Variants in ENOX1 observed in about 807,000 individuals in gnomAD.
The protein encoded by ENOX1 is ecto-NOX disulfide-thiol exchanger 1.
In ENOX1, 42 loss-of-function variants were observed where a neutral mutation model predicts 82.5. That is an observed-to-expected ratio of 0.51 (90% CI 0.40 to 0.66). The LOEUF (loss-of-function observed/expected upper bound fraction) is 0.66, where lower values mean the gene tolerates loss of function less well. Among genes scored for constraint, ENOX1 ranks in the 30% least tolerant of loss-of-function variants. The pLI is 0.00. For synonymous variants in ENOX1, 271 were observed against 282.2 expected, an observed-to-expected ratio of 0.96 and a Z score of 0.40; for missense variants, 608 against 811.6, an observed-to-expected ratio of 0.75 and a Z score of 3.05.
chr13:43,249,501 T>C (rs1163208090), intron 14 of ENOX1, among the ~76,000 whole-genome samples: 1 of 152,246 alleles, frequency 6.6e-6, no homozygotes, highest in Non-Finnish European at 1.5e-5. Context: ...TGATTTATCT[T>C]GTATGATACT....
At chr13:43,337,290 G>A (rs1178531444) in intron 9 of ENOX1, among the ~76,000 whole-genome samples, 2 of 152,234 alleles carry the variant, frequency 1.3e-5, no homozygotes, top group Non-Finnish European at 2.9e-5. Context: ...AAGTGGCACA[G>A]TGAGGTAGAA....
intron 2 of ENOX1, among the ~76,000 whole-genome samples, chr13:43,639,051 C>A (rs2083519792): frequency 6.6e-6 from 1 of 152,210 alleles, no homozygotes; most frequent in African/African-American, 2.4e-5. Context: ...CACCTGTAAT[C>A]TCAGCACTTT....
At chr13:43,664,449 T>C (rs954794675) in intron 2 of ENOX1, among the ~76,000 whole-genome samples, 2 of 152,244 alleles carry the variant, frequency 1.3e-5, no homozygotes, top group African/African-American at 4.8e-5. Flanking sequence ...TGGGATGTTA[T>C]AATTGTTGTA....
At chr13:43,686,703 GA>G in intron 1 of ENOX1, among the ~76,000 whole-genome samples, 1 of 152,312 alleles carries the variant, frequency 6.6e-6, no homozygotes, top group Non-Finnish European at 1.5e-5. Flanking sequence ...TCAACACACA[GA>G]AACTGCGTTT....
intron 2 of ENOX1, among the ~76,000 whole-genome samples, chr13:43,516,660 G>A (rs758922026): frequency 2.6e-5 from 4 of 152,134 alleles, no homozygotes; most frequent in East Asian, 1.9e-4. Context: ...TTTGGCTCCC[G>A]CTTCTGGAAA....
chr13:43,251,878 T>C (rs1241072003), intron 14 of ENOX1, among the ~76,000 whole-genome samples: 1 of 152,158 alleles, frequency 6.6e-6, no homozygotes, highest in Non-Finnish European at 1.5e-5. Flanking sequence ...TACTGTCATA[T>C]AAAATGGTCA....
At position 43,214,042 on chromosome 13, in the gene ENOX1, G is replaced by A. The variant is rs374338452; in HGVS notation, c.1880C>T (p.Thr627Met). 31 of 1,613,186 alleles carry A rather than the reference G, an allele frequency of 1.9e-5. No homozygotes were observed. The Admixed American group carries it at 2.2e-4, about 11-fold the overall frequency. The part of the protein sequence containing the change: ...FKQEFTGVGA[T>M]LEKRWKLCAF... ...ACACAGCTTCCATCTTTTTTCCAGC[G>A]TGGCTCCCACACCCGTGAATTCCTG... The change falls in exon 17 of 17, where the codon ACG becomes ATG. Residue 627 changes from threonine to methionine, a missense_variant. Physicochemically the swap from Thr to Met is moderately conservative, Grantham distance 81. Transcript: ENST00000690772.
At chr13:43,544,616 C>A (rs2078894494) in intron 2 of ENOX1, 1 of 151,978 alleles carries the variant, frequency 6.6e-6, no homozygotes, top group East Asian at 1.9e-4. Flanking sequence ...CACTTATTGC[C>A]AAAATAATTA....
chr13:43,419,200 G>T (rs2153605443), intron 3 of ENOX1, among the ~76,000 whole-genome samples: 1 of 152,256 alleles, frequency 6.6e-6, no homozygotes, highest in East Asian at 1.9e-4. Context: ...GTAGAGATCA[G>T]CTAGGTATTG....
chr13:43,317,068 T>C (rs1019907641), intron 11 of ENOX1, among the ~76,000 whole-genome samples: 1 of 152,244 alleles, frequency 6.6e-6, no homozygotes, highest in Non-Finnish European at 1.5e-5. Context: ...CAGCTTATCC[T>C]TCTATGCTTC....
At chr13:43,327,062 C>A (rs895683366) in intron 9 of ENOX1, among the ~76,000 whole-genome samples, 1 of 152,182 alleles carries the variant, frequency 6.6e-6, no homozygotes, top group Non-Finnish European at 1.5e-5. Flanking sequence ...TGTCTCCCCT[C>A]AATCTCAGGG....
intron 2 of ENOX1, among the ~76,000 whole-genome samples, chr13:43,637,777 A>AT (rs2083469057): frequency 6.6e-6 from 1 of 152,204 alleles, no homozygotes; most frequent in South Asian, 2.1e-4. Flanking sequence ...ATTTTACAGT[A>AT]TAAGTCTCTA....
intron 3 of ENOX1, among the ~76,000 whole-genome samples, chr13:43,468,109 CAT>C (rs2057817060): frequency 6.6e-6 from 1 of 152,252 alleles, no homozygotes; most frequent in African/African-American, 2.4e-5. Flanking sequence ...AGTCCTCTAA[CAT>C]TGTTCTTTTT....
At chr13:43,671,613 G>T (rs1470678403) in intron 1 of ENOX1, among the ~76,000 whole-genome samples, 3 of 152,154 alleles carry the variant, frequency 2.0e-5, no homozygotes, top group African/African-American at 7.2e-5. Flanking sequence ...ACCCTGGGAA[G>T]TGACGACCTG....
At chr13:43,393,099 G>T (rs2052900280) in intron 5 of ENOX1, among the ~76,000 whole-genome samples, 2 of 152,126 alleles carry the variant, frequency 1.3e-5, no homozygotes, top group South Asian at 4.2e-4. Flanking sequence ...AAAGGAAGAT[G>T]ACCAATAATA....
At chr13:43,679,812 T>C (rs1167007529) in intron 1 of ENOX1, among the ~76,000 whole-genome samples, 2 of 152,158 alleles carry the variant, frequency 1.3e-5, no homozygotes, top group Middle Eastern at 3.2e-3. Context: ...AAATGCAAAA[T>C]CCTATCAAAA....
chr13:43,466,667 T>A (rs1197284172), intron 3 of ENOX1, among the ~76,000 whole-genome samples: 1 of 152,226 alleles, frequency 6.6e-6, no homozygotes, highest in African/African-American at 2.4e-5. Flanking sequence ...AATGTATAGT[T>A]CACTCTTTTA....
chr13:43,331,742 C>T (rs776414504), intron 9 of ENOX1, among the ~76,000 whole-genome samples: 5 of 152,120 alleles, frequency 3.3e-5, no homozygotes, highest in Non-Finnish European at 5.9e-5. Context: ...ATGCAGTAAG[C>T]GATTCCAGCT....
At chr13:43,683,699 GA>G (rs1483301353) in intron 1 of ENOX1, among the ~76,000 whole-genome samples, 1 of 152,068 alleles carries the variant, frequency 6.6e-6, no homozygotes, top group African/African-American at 2.4e-5. Context: ...GTGCCCTCCT[GA>G]AAAACATTCC....
Sources: allele counts gnomAD v4.1 joint callset (sites outside exome capture counted in the v4.1 genomes callset), GRCh38; gene constraint gnomAD v4.1.1; transcripts MANE v1.5; gene names NCBI Gene and HGNC (gene_info 2026-07-23, HGNC 2026-07-21).